MAGI2: variants seen among roughly 807,000 people sequenced by gnomAD.
MAGI2 encodes the protein membrane associated guanylate kinase, WW and PDZ domain containing 2, also known as membrane-associated guanylate kinase, WW and PDZ domain-containing protein 2.
Under a neutral mutation model 133.3 loss-of-function variants are expected in MAGI2, and 35 were observed. That is an observed-to-expected ratio of 0.26 (90% CI 0.20 to 0.35). The LOEUF is 0.35. MAGI2 is among the 10% of genes least tolerant of loss of function. MAGI2 has a pLI of 1.00. For synonymous variants in MAGI2, 729 were observed against 710.6 expected (o/e 1.03, Z -0.41); for missense variants, 1,636 against 1,863.4 (o/e 0.88, Z 2.25).
intron 2 of MAGI2, among the ~76,000 whole-genome samples, chr7:78,651,289 C>T (rs1319369989): frequency 1.3e-5 from 2 of 148,462 alleles, no homozygotes; most frequent in Admixed American, 6.8e-5. Context: ...CAGATACACA[C>T]ACATGCCCTA....
intron 1 of MAGI2, among the ~76,000 whole-genome samples, chr7:79,358,970 A>G (rs2129119869): frequency 6.6e-6 from 1 of 152,346 alleles, no homozygotes; most frequent in East Asian, 1.9e-4. Context: ...AATCACATGC[A>G]CCAAGAACAT....
At chr7:79,218,514 A>C (rs1370618503) in intron 1 of MAGI2, among the ~76,000 whole-genome samples, 1 of 152,102 alleles carries the variant, frequency 6.6e-6, no homozygotes, top group East Asian at 1.9e-4. Flanking sequence ...GGATTGCTGT[A>C]AGAATTAACC....
At chr7:78,792,854 A>G (rs1429360797) in intron 2 of MAGI2, among the ~76,000 whole-genome samples, 1 of 152,238 alleles carries the variant, frequency 6.6e-6, no homozygotes. Flanking sequence ...CTCGGCATGC[A>G]GTGTGCTGTT....
At chr7:79,373,747 T>C (rs1843202592) in intron 1 of MAGI2, among the ~76,000 whole-genome samples, 1 of 152,078 alleles carries the variant, frequency 6.6e-6, no homozygotes. Flanking sequence ...TTACTAAAGA[T>C]ACCAGGAAAT....
At chr7:78,383,301 A>G (rs1795091346) in intron 6 of MAGI2, among the ~76,000 whole-genome samples, 2 of 151,920 alleles carry the variant, frequency 1.3e-5, no homozygotes, top group African/African-American at 2.4e-5. Flanking sequence ...TTGAATAGTA[A>G]CCATTCTCAC....
intron 2 of MAGI2, among the ~76,000 whole-genome samples, chr7:78,749,724 G>T (rs150707910): frequency 3.9e-5 from 6 of 152,186 alleles, no homozygotes; most frequent in African/African-American, 7.2e-5. Flanking sequence ...TTTGAGGAAA[G>T]ATTAAAAAAG....
At chr7:78,225,681 G>C (rs1180728150) in intron 10 of MAGI2, among the ~76,000 whole-genome samples, 3 of 152,218 alleles carry the variant, frequency 2.0e-5, no homozygotes, top group Non-Finnish European at 4.4e-5. Flanking sequence ...TGGGGTGAGA[G>C]TGCTTCAAAA....
rs140393732 is a variant in MAGI2 at position 79,347,299 on chromosome 7, T to G, written c.301+105721A>C. Among the ~76,000 whole-genome samples, 60 of 152,110 alleles carry G rather than the reference T, an allele frequency of 3.9e-4. 1 individual carries two copies. Among genetic ancestry groups the G allele is most frequent in the African/African-American group, 1.3e-3 (52 of 41,560 alleles). On this transcript the variant is annotated intron_variant, in intron 1 of 21. Coordinates refer to ENST00000354212, the MANE Select transcript of MAGI2 (RefSeq NM_012301.4). ...CTATATTTAATTCTTTATAATTTTA[T>G]TAAATTATGTGAATACATGATCAAC... is the stretch of plus-strand genomic sequence containing the variant.
chr7:78,751,708 T>A, intron 2 of MAGI2, among the ~76,000 whole-genome samples: 1 of 152,152 alleles, frequency 6.6e-6, no homozygotes, highest in East Asian at 1.9e-4. Context: ...AGATAACAAC[T>A]ATCAACTCAG....
At chr7:78,517,033 T>G (rs62468569) in intron 4 of MAGI2, among the ~76,000 whole-genome samples, 1,662 of 152,242 alleles carry the variant, frequency 0.011, 21 homozygotes, top group Middle Eastern at 0.041. Context: ...TGCTGTCCAG[T>G]GGGCAGCAGT....
intron 1 of MAGI2, among the ~76,000 whole-genome samples, chr7:79,363,784 T>A (rs937851878): frequency 4.0e-5 from 6 of 150,714 alleles, no homozygotes; most frequent in Non-Finnish European, 8.9e-5. Flanking sequence ...AACCTATGGA[T>A]TGGGAGAAAA....
intron 6 of MAGI2, among the ~76,000 whole-genome samples, chr7:78,374,911 C>T (rs967274822): frequency 6.6e-6 from 1 of 151,964 alleles, no homozygotes; most frequent in Non-Finnish European, 1.5e-5. Context: ...GCAATCTTGG[C>T]TCACTGCAAC....
At chr7:78,227,686 T>C (rs1235075571) in intron 10 of MAGI2, among the ~76,000 whole-genome samples, 1 of 152,200 alleles carries the variant, frequency 6.6e-6, no homozygotes, top group Non-Finnish European at 1.5e-5. Context: ...TGAAATGATG[T>C]TCTCTTCACA....
intron 6 of MAGI2, among the ~76,000 whole-genome samples, chr7:78,456,514 C>T (rs2151496157): frequency 6.6e-6 from 1 of 152,278 alleles, no homozygotes; most frequent in South Asian, 2.1e-4. Context: ...TGAAAATTGA[C>T]ATTACTAAGA....
At chr7:79,173,985 A>G (rs1357332806) in intron 1 of MAGI2, among the ~76,000 whole-genome samples, 3 of 151,872 alleles carry the variant, frequency 2.0e-5, no homozygotes, top group Non-Finnish European at 4.4e-5. Flanking sequence ...GTTTTTTTTT[A>G]TTTGAAACGG....
chr7:78,125,767 C>T lies in MAGI2; in HGVS notation c.3494G>A (p.Arg1165Lys). 1 of 1,614,004 alleles carries T rather than the reference C, an allele frequency of 6.2e-7. No homozygotes were observed. Among genetic ancestry groups the T allele is most frequent in the African/African-American group, 1.3e-5 (1 of 75,036 alleles). Residue 1165 changes from arginine (R) to lysine (K), a missense_variant, in exon 20 of 22, where the codon AGG (arginine) becomes AAG (lysine). Coordinates refer to ENST00000354212, the MANE Select transcript of MAGI2 (RefSeq NM_012301.4). The stretch of plus-strand genomic sequence containing the variant: ...CACATACAAATCCATTTTGTATTCC[C>T]TTCCTCCACGAATGCTGAATCCAAA... Reference protein sequence around the residue: ...KGFGFSIRGGREYKMDLYVLR... With the variant: ...KGFGFSIRGGKEYKMDLYVLR...
At chr7:78,781,468 T>C (rs182453284) in intron 2 of MAGI2, among the ~76,000 whole-genome samples, 72 of 151,732 alleles carry the variant, frequency 4.7e-4, no homozygotes, top group Non-Finnish European at 1.0e-3. Context: ...GCTTGAATTA[T>C]TGCCCACATA....
At chr7:78,165,515 G>C (rs901631860) in intron 15 of MAGI2, among the ~76,000 whole-genome samples, 1 of 152,112 alleles carries the variant, frequency 6.6e-6, no homozygotes, top group Admixed American at 6.5e-5. Flanking sequence ...GGTGGGGCGG[G>C]CATTTGTATA....
intron 6 of MAGI2, among the ~76,000 whole-genome samples, chr7:78,376,665 G>GA (rs1194806390): frequency 6.6e-6 from 1 of 152,026 alleles, no homozygotes; most frequent in Non-Finnish European, 1.5e-5. Context: ...ATTGATGTAT[G>GA]AAAAAATATA....
Sources: allele counts gnomAD v4.1 joint callset (sites outside exome capture counted in the v4.1 genomes callset), GRCh38; gene constraint gnomAD v4.1.1; transcripts MANE v1.5; gene names NCBI Gene and HGNC (gene_info 2026-07-23, HGNC 2026-07-21).